Variants in HSPG2 observed in about 807,000 individuals in gnomAD.
The protein encoded by HSPG2 is basement membrane-specific heparan sulfate proteoglycan core protein.
A neutral mutation model predicts 526.6 loss-of-function variants in HSPG2; 278 were observed. The observed-to-expected ratio is 0.53, with a 90% CI of 0.48 to 0.58. HSPG2 has a LOEUF of 0.58. Among genes scored for constraint, HSPG2 ranks in the 20% least tolerant of loss-of-function variants. The pLI is 0.00. For synonymous variants in HSPG2, 2,465 were observed against 2,555.4 expected (o/e 0.96, Z 1.07); for missense variants, 5,354 against 6,099.5 (o/e 0.88, Z 4.07).
At chr1:21,892,109 T>C (rs1028579832) in intron 3 of HSPG2, among the ~76,000 whole-genome samples, 7 of 152,258 alleles carry the variant, frequency 4.6e-5, no homozygotes, top group Non-Finnish European at 8.8e-5. Flanking sequence ...CGCTTTACTC[T>C]GTCCATCAGG....
intron 1 of HSPG2, among the ~76,000 whole-genome samples, chr1:21,903,679 G>A (rs1643217747): frequency 6.6e-6 from 1 of 152,188 alleles, no homozygotes; most frequent in African/African-American, 2.4e-5. Context: ...TCCTTCCTGG[G>A]GCTACTGGGA....
At position 21,890,529 on chromosome 1, in the gene HSPG2, C is replaced by G. The variant is rs1319911303; in HGVS notation, c.355-44G>C. ...CCATCAGCCCCAGAGGCCTTCACCC[C>G]ATCCTCGGTCCTGCCCCGCCACACC... On this transcript the variant is annotated intron_variant, in intron 4 of 96. Transcript: ENST00000374695. The surrounding 1 kb of genome is among the most constrained non-coding windows in gnomAD (Gnocchi z 4.1). 6.2e-7 allele frequency: 1 copy of G among 1,610,738 alleles called. No homozygotes were observed. The highest frequency in any genetic ancestry group is 8.5e-7 in the Non-Finnish European group (1 of 1,177,180).
chr1:21,849,958 G>C, intron 57 of HSPG2, 83 bp downstream of exon 57: 1 of 1,557,292 alleles, frequency 6.4e-7, no homozygotes, highest in Non-Finnish European at 8.8e-7. Flanking sequence ...GATTACAGGC[G>C]TGAGCCACTG....
At position 21,839,467 on chromosome 1, in the gene HSPG2, T is replaced by C. The variant is rs1358214706; in HGVS notation, c.9793A>G (p.Ile3265Val). 4 of 1,613,916 alleles carry C rather than the reference T, an allele frequency of 2.5e-6. No individual in the cohort carries two copies. The highest frequency in any genetic ancestry group is 1.3e-5 in the African/African-American group (1 of 74,898). Residue 3265 changes from isoleucine (I) to valine (V), a missense_variant, in exon 73 of 97, where the codon ATA becomes GTA. Physicochemically the swap from Ile to Val is conservative, Grantham distance 29 (BLOSUM62 3). Coordinates refer to ENST00000374695, the MANE Select transcript of HSPG2 (RefSeq NM_005529.7). This position sits in a 1 kb window ranked among gnomAD's most constrained non-coding sequence, Gnocchi z 4.5. ...GAGTCCTGCTGGGCTACCCGGGGTA[T>C]GATGAGTGTGTCACCTTCCAGCCGG... ...QHRLEGDTLI[I>V]PRVAQQDSGQ...
intron 13 of HSPG2, among the ~76,000 whole-genome samples, chr1:21,882,619 C>A (rs2152757170): frequency 6.6e-6 from 1 of 152,214 alleles, no homozygotes; most frequent in East Asian, 1.9e-4. Context: ...AGTAATGGTA[C>A]CAGCAACATG....
intron 1 of HSPG2, chr1:21,908,329 A>T (rs568455652): frequency 1.6e-4 from 165 of 1,029,096 alleles, no homozygotes; most frequent in Middle Eastern, 6.6e-4. Context: ...TGTTGTAAAC[A>T]AACAAGTTAA....
In HSPG2 at chr1:21,848,081, G is replaced by A. The variant is rs760052323; in HGVS notation, c.7750C>T (p.Arg2584Trp). ...LPSRHQIVGS[R>W]LRIPQVTPAD... is the part of the protein sequence containing the mutation. Reference sequence around the variant, plus strand: ...GGAGTCACCTGAGGGATCCGCAGCCGGGAGCCCACGATCTGCAGGAAGCAG... The same window carrying A: ...GGAGTCACCTGAGGGATCCGCAGCCAGGAGCCCACGATCTGCAGGAAGCAG... The change falls in exon 60 of 97, where the codon CGG becomes TGG. Residue 2584 changes from arginine (R) to tryptophan (W), a missense_variant. Coordinates refer to ENST00000374695, the MANE Select transcript of HSPG2 (RefSeq NM_005529.7). This position sits in a 1 kb window ranked among gnomAD's most constrained non-coding sequence, Gnocchi z 4.9. The A allele has an allele frequency of 8.7e-6, 14 of 1,603,854 alleles. No individual in the cohort carries two copies. The highest frequency in any genetic ancestry group is 6.8e-5 in the Admixed American group (4 of 58,402).
rs749726642 is a variant in HSPG2, at chr1:21,875,774, A to G, written c.3184-27T>C. On this transcript the variant is annotated intron_variant, in intron 24 of 96. Coordinates refer to ENST00000374695, the MANE Select transcript of HSPG2 (RefSeq NM_005529.7). ...TGCCAAGGAGAGGACACATGTGCTC[A>G]GCCCCTGACGTCCTGGAGTATTGAA... The G allele has an allele frequency of 8.1e-6, 13 of 1,605,644 alleles. No homozygotes were observed. In the Admixed American group the frequency reaches 2.2e-4, roughly 27 times the overall value.
At chr1:21,885,567 G>T in intron 9 of HSPG2, 116 bp from the exon 10 acceptor site, 1 of 1,194,744 alleles carries the variant, frequency 8.4e-7, no homozygotes, top group Non-Finnish European at 1.2e-6. Flanking sequence ...GCCATGCCTA[G>T]CCCCTGCTGC....
rs144068565 is a variant in HSPG2 at position 21,852,926 on chromosome 1, C to T, written c.6584G>A (p.Arg2195Gln). ...WHKRGGSLPA[R>Q]HQTHGSLLRL... is the part of the protein sequence containing the mutation. ...CCCGGGGGGCTGCCATACCTGGTGC[C>T]GGGCAGGGAGGCTGCCCCCACGCTT... is the stretch of plus-strand genomic sequence containing the variant. The change falls in exon 51 of 97, where the codon CGG (arginine) becomes CAG (glutamine). Residue 2195 changes from arginine to glutamine, a missense_variant. Arg to Gln is a conservative substitution (Grantham distance 43). Transcript: ENST00000374695. 129 of 1,612,816 alleles carry T rather than the reference C, an allele frequency of 8.0e-5. No individual in the cohort carries two copies. The highest frequency in any genetic ancestry group is 4.1e-4 in the South Asian group (37 of 91,024).
chr1:21,932,941 G>A (rs1644382453), intron 1 of HSPG2, among the ~76,000 whole-genome samples: 2 of 152,146 alleles, frequency 1.3e-5, no homozygotes, highest in South Asian at 4.1e-4. Context: ...AGAAAAGGCT[G>A]GGTGCAGTGG....
chr1:21,873,017 C>T lies in HSPG2; in HGVS notation c.3868G>A (p.Ala1290Thr), dbSNP rs1418053662. 3.7e-6 allele frequency: 6 copies of T among 1,609,926 alleles called. No homozygotes were observed. The highest frequency in any genetic ancestry group is 1.3e-5 in the African/African-American group (1 of 75,062). Residue 1290 changes from alanine (A) to threonine (T), a missense_variant, in exon 31 of 97, where the codon GCT (alanine) becomes ACT (threonine). Transcript: ENST00000374695. ...QGSVSSQCDA[A>T]GQCQCKAQVE... ...CTGACCTTGCACTGGCACTGACCAGCAGCATCACACTGGCTGCTGACGCTG... is the reference window on the plus strand; with the variant it reads ...CTGACCTTGCACTGGCACTGACCAGTAGCATCACACTGGCTGCTGACGCTG...
In HSPG2 at chr1:21,839,750, C is replaced by T. The variant is rs2098041252; in HGVS notation, c.9709+72G>A. On this transcript the variant is annotated intron_variant, in intron 72 of 96. Transcript: ENST00000374695. The surrounding 1 kb of genome is among the most constrained non-coding windows in gnomAD (Gnocchi z 4.5). ...CCTGGGCATGACATCATCTCTAGAT[C>T]ACATGTGTCTACATTTCAGACCCCA... 6.6e-7 allele frequency: 1 copy of T among 1,525,388 alleles called. No individual in the cohort carries two copies. Among genetic ancestry groups the T allele is most frequent in the Admixed American group, 1.7e-5 (1 of 57,540 alleles). The allele number at this position is 1,525,388 out of a possible 1,614,324, so 94.5% of individuals were successfully genotyped here. A position where few individuals can be genotyped will look rare whatever the true frequency, so the allele number is the denominator to read the frequency against.
rs145556303 is a variant in HSPG2, at chr1:21,838,714, TTC to T, written c.10150+109_10150+110del. 2,188 of 1,174,904 alleles carry T rather than the reference TTC, an allele frequency of 1.9e-3. 28 individuals carry two copies. The African/African-American group carries it at 0.026, about 14-fold the overall frequency. The allele number at this position is 1,174,904 out of a possible 1,614,324, so 72.8% of individuals were successfully genotyped here. A position where few individuals can be genotyped will look rare whatever the true frequency, so the allele number is the denominator to read the frequency against. The stretch of plus-strand genomic sequence containing the variant: ...CTGGAGAGTAGGGGAGATGAGGGCA[TTC>T]CAGGTGGGGTTATGGAGGGAGGCCT... On this transcript the variant is annotated intron_variant, in intron 74 of 96. Transcript: ENST00000374695.
At chr1:21,843,273 C>T (rs745679683) in intron 66 of HSPG2, 24 bp downstream of exon 66, 53 of 1,613,584 alleles carry the variant, frequency 3.3e-5, no homozygotes, top group Non-Finnish European at 3.7e-5. Context: ...GCTCTGGCAT[C>T]GCCCACTGCT....
chr1:21,847,132 A>G lies in HSPG2; in HGVS notation c.8164+222T>C, dbSNP rs1638500279. Reference sequence around the variant, plus strand: ...TCGTAAACTTCCTGTGATGATGGAAATGCTTTTTATCTGCACAGGCCAAGT... The same window carrying G: ...TCGTAAACTTCCTGTGATGATGGAAGTGCTTTTTATCTGCACAGGCCAAGT... On this transcript the variant is annotated intron_variant, in intron 62 of 96. Coordinates refer to ENST00000374695, the MANE Select transcript of HSPG2 (RefSeq NM_005529.7). This position sits in a 1 kb window ranked among gnomAD's most constrained non-coding sequence, Gnocchi z 4.1. 6.6e-6 allele frequency among the ~76,000 whole-genome samples: 1 copy of G among 152,250 alleles called. No homozygotes were observed. The highest frequency in any genetic ancestry group is 6.5e-5 in the Admixed American group (1 of 15,282).
chr1:21,874,549 G>A lies in HSPG2; in HGVS notation c.3529-16C>T, dbSNP rs1297804314. On this transcript the variant is annotated splice_polypyrimidine_tract_variant and intron_variant, in intron 27 of 96. Transcript: ENST00000374695. ...GCTGGCAGCCCTGGAGGAGCAGGAT[G>A]TGAGTTGAGGCTGGGCCTCCAGAGG... 6.2e-7 allele frequency: 1 copy of A among 1,613,852 alleles called. No individual in the cohort carries two copies. The highest frequency in any genetic ancestry group is 8.5e-7 in the Non-Finnish European group (1 of 1,179,910).
chr1:21,822,407 C>T lies in HSPG2; in HGVS notation c.*909G>A, dbSNP rs886423078. On this transcript the variant is annotated 3_prime_UTR_variant, in exon 97 of 97. Coordinates refer to ENST00000374695, the MANE Select transcript of HSPG2 (RefSeq NM_005529.7). ...GCTCCTGCAGATGGGGCAGGGTGGT[C>T]ATATCCCCCTCCTCTCTCTCTCAGT... 19 of 617,566 alleles carry T rather than the reference C, an allele frequency of 3.1e-5. No homozygotes were observed. The highest frequency in any genetic ancestry group is 5.5e-5 in the African/African-American group (3 of 54,442). The allele number at this position is 617,566 out of a possible 1,614,324, so 38.3% of individuals were successfully genotyped here. A position where few individuals can be genotyped will look rare whatever the true frequency, so the allele number is the denominator to read the frequency against.
intron 3 of HSPG2, among the ~76,000 whole-genome samples, chr1:21,894,111 G>A (rs1377089589): frequency 6.6e-6 from 1 of 152,052 alleles, no homozygotes; most frequent in Non-Finnish European, 1.5e-5. Flanking sequence ...GAAAGAGACA[G>A]GTCAGAACAT....
Sources: allele counts gnomAD v4.1 joint callset (sites outside exome capture counted in the v4.1 genomes callset), GRCh38; gene constraint gnomAD v4.1.1; non-coding constraint Gnocchi (gnomAD v3.1); transcripts MANE v1.5; gene names NCBI Gene and HGNC (gene_info 2026-07-23, HGNC 2026-07-21).